Variants in LAPTM4A observed in about 807,000 individuals in gnomAD.
LAPTM4A encodes the protein lysosomal protein transmembrane 4 alpha.
LAPTM4A carries 19 observed loss-of-function variants against 29.9 expected under a neutral mutation model. The observed-to-expected ratio is 0.64, with a 90% CI of 0.44 to 0.93. The LOEUF (loss-of-function observed/expected upper bound fraction) is 0.93. LAPTM4A is among the 40% of genes least tolerant of loss of function. The pLI, the probability that LAPTM4A is intolerant of heterozygous loss-of-function variation, is 0.00. For synonymous variants in LAPTM4A, 105 were observed against 102.1 expected, an observed-to-expected ratio of 1.03 and a Z score of -0.17; for missense variants, 293 against 288.5, an observed-to-expected ratio of 1.02 and a Z score of -0.11.
At chr2:20,049,456 T>C (rs1488741617) in intron 1 of LAPTM4A, among the ~76,000 whole-genome samples, 1 of 152,228 alleles carries the variant, frequency 6.6e-6, no homozygotes, top group Non-Finnish European at 1.5e-5. Context: ...GGGCTTAAAG[T>C]AGGGAACAGA....
At chr2:20,041,694 G>A (rs1490989717) in intron 1 of LAPTM4A, among the ~76,000 whole-genome samples, 2 of 152,028 alleles carry the variant, frequency 1.3e-5, no homozygotes, top group African/African-American at 4.8e-5. Context: ...ACGACCATAC[G>A]CGGGTGATTT....
rs1673626666 is a variant in LAPTM4A at position 20,033,834 on chromosome 2, G to C, written c.627+483C>G. ...TAGATGGGCCACATATATTTTATATGCTGAAAACCTGGGAAGGTAGCACAG... is the reference window on the plus strand; with the variant it reads ...TAGATGGGCCACATATATTTTATATCCTGAAAACCTGGGAAGGTAGCACAG... On this transcript the variant is annotated intron_variant, in intron 6 of 6. Transcript: ENST00000175091. Among the ~76,000 whole-genome samples, 4 of 152,198 alleles carry C rather than the reference G, an allele frequency of 2.6e-5. No homozygotes were observed. The South Asian group carries it at 8.3e-4, about 31-fold the overall frequency.
At chr2:20,047,078 A>AT (rs1673940654) in intron 1 of LAPTM4A, among the ~76,000 whole-genome samples, 1 of 151,804 alleles carries the variant, frequency 6.6e-6, no homozygotes, top group Non-Finnish European at 1.5e-5. Flanking sequence ...AGAAAAACAG[A>AT]TCCCCCTGGC....
intron 1 of LAPTM4A, among the ~76,000 whole-genome samples, chr2:20,050,908 A>C (rs143809726): frequency 6.6e-6 from 1 of 152,248 alleles, no homozygotes; most frequent in Admixed American, 6.5e-5. Context: ...AAACGCGGAC[A>C]ACCGGGTTAC....
chr2:20,044,917 T>A (rs533182969), intron 1 of LAPTM4A, among the ~76,000 whole-genome samples: 3 of 152,230 alleles, frequency 2.0e-5, no homozygotes, highest in African/African-American at 7.2e-5. Flanking sequence ...CTTAAAAAAA[T>A]TTTTTTTGTA....
At chr2:20,046,785 T>TATATAATATAA (rs1673933387) in intron 1 of LAPTM4A, among the ~76,000 whole-genome samples, 2 of 145,536 alleles carry the variant, frequency 1.4e-5, no homozygotes, top group South Asian at 2.1e-4. Context: ...TATAAATATA[T>TATATAATATAA]ATATAATATA....
intron 1 of LAPTM4A, 146 bp downstream of exon 1, chr2:20,051,264 C>A: frequency 1.5e-6 from 1 of 667,824 alleles, no homozygotes; most frequent in Non-Finnish European, 2.7e-6. Context: ...AGTCCTTGGA[C>A]TTCATCCAGA....
In LAPTM4A at chr2:20,051,438, C is replaced by G; in HGVS notation, c.83G>C (p.Gly28Ala). The G allele has an allele frequency of 6.2e-7, 1 of 1,613,368 alleles. No individual in the cohort carries two copies. The highest frequency in any genetic ancestry group is 2.2e-5 in the East Asian group (1 of 44,852). ...GTACCAGGTCCCCAGGATGATCGTC[C>G]CGGTGCGGACATGGCAACAGCCGCA... ...RCCGCCHVRT[G>A]TIILGTWYMV... Residue 28 changes from glycine to alanine, a missense_variant, in exon 1 of 7, where the codon GGG becomes GCG. Physicochemically the swap from Gly to Ala is moderately conservative, Grantham distance 60. Transcript: ENST00000175091.
intron 1 of LAPTM4A, among the ~76,000 whole-genome samples, chr2:20,044,483 G>A (rs948194609): frequency 6.6e-6 from 1 of 152,090 alleles, no homozygotes; most frequent in African/African-American, 2.4e-5. Flanking sequence ...ATTACATGAA[G>A]GATTTCTAAA....
chr2:20,038,554 T>A (rs1418159316), intron 2 of LAPTM4A, among the ~76,000 whole-genome samples: 1 of 152,034 alleles, frequency 6.6e-6, no homozygotes, highest in African/African-American at 2.4e-5. Flanking sequence ...GCCTCCCAAG[T>A]AGCTGGAATT....
intron 1 of LAPTM4A, among the ~76,000 whole-genome samples, chr2:20,049,271 G>A (rs1043057759): frequency 6.6e-6 from 1 of 152,104 alleles, no homozygotes; most frequent in African/African-American, 2.4e-5. Flanking sequence ...CACTGCAGGT[G>A]GTCAGTAAAT....
At chr2:20,034,467 T>C (rs1673639182) in intron 5 of LAPTM4A, 52 bp from the exon 6 acceptor site, 1 of 1,184,696 alleles carries the variant, frequency 8.4e-7, no homozygotes, top group Admixed American at 1.7e-5. Flanking sequence ...ACAGACTACC[T>C]GCTCTAAAAT....
At chr2:20,041,893 G>C (rs1673809754) in intron 1 of LAPTM4A, among the ~76,000 whole-genome samples, 2 of 152,088 alleles carry the variant, frequency 1.3e-5, no homozygotes, top group South Asian at 4.1e-4. Flanking sequence ...TCCAATACCT[G>C]AAAACAGCCT....
intron 6 of LAPTM4A, 60 bp downstream of exon 6, chr2:20,034,254 GTTC>G: frequency 9.0e-7 from 1 of 1,111,482 alleles, no homozygotes; most frequent in Non-Finnish European, 1.4e-6. Flanking sequence ...CAAGCTCCAG[GTTC>G]TTCTCCTGGA....
At chr2:20,037,653 C>T in intron 2 of LAPTM4A, 39 bp from the exon 3 acceptor site, 1 of 1,352,008 alleles carries the variant, frequency 7.4e-7, no homozygotes, top group Non-Finnish European at 1.0e-6. Context: ...AAGCTACTTA[C>T]ACAACAAAAA....
rs1285198043 is a variant in LAPTM4A at position 20,045,973 on chromosome 2, T to C, written c.112-4962A>G. Among the ~76,000 whole-genome samples, 3 of 152,328 alleles carry C rather than the reference T, an allele frequency of 2.0e-5. No homozygotes were observed. In the South Asian group the frequency reaches 6.2e-4, roughly 32 times the overall value. On this transcript the variant is annotated intron_variant, in intron 1 of 6. Coordinates refer to ENST00000175091, the MANE Select transcript of LAPTM4A (RefSeq NM_014713.5). ...GAACTAAGCAAAGCCTGTTATCTGA[T>C]AAAGATCAAAATTGACTATCTTTAA...
Position 20,037,615 on chromosome 2 carries a change from C to A in LAPTM4A, c.233-1G>T. On this transcript the variant is annotated splice_acceptor_variant, in intron 2 of 6. Coordinates refer to ENST00000175091, the MANE Select transcript of LAPTM4A (RefSeq NM_014713.5). LOFTEE classifies it high-confidence loss of function. ...ACGGCAAAAAGAACACAGGCATTAT[C>A]TAAGAAAACAAAAACAAAAATCTAA... The A allele has an allele frequency of 6.3e-7, 1 of 1,591,538 alleles. No homozygotes were observed.
At chr2:20,044,562 C>T (rs1444767331) in intron 1 of LAPTM4A, among the ~76,000 whole-genome samples, 3 of 152,152 alleles carry the variant, frequency 2.0e-5, no homozygotes, top group African/African-American at 4.8e-5. Context: ...CTCTGGAGAC[C>T]AGCCTAGGCA....
rs1558388624 is a variant in LAPTM4A at position 20,051,474 on chromosome 2, CT to C, written c.46del (p.Ser16AlafsTer23). On this transcript the variant is annotated frameshift_variant, in exon 1 of 7. Transcript: ENST00000175091. LOFTEE classifies it high-confidence loss of function. ...FKRNRSDRFY[S>X]TRCCGCCHVR... ...ATGGCAACAGCCGCAGCACCGGGTG[CT>C]GTAGAACCGGTCACTGCGGTTCCGC... The C allele has an allele frequency of 1.9e-6, 3 of 1,613,356 alleles. No homozygotes were observed. Among genetic ancestry groups the C allele is most frequent in the Non-Finnish European group, 2.5e-6 (3 of 1,179,682 alleles).
Sources: gnomAD v4.1 joint callset for allele counts (sites outside exome capture counted in the v4.1 genomes callset) on GRCh38, gnomAD v4.1.1 for gene constraint, MANE v1.5 for transcripts, NCBI Gene and HGNC (gene_info 2026-07-23, HGNC 2026-07-21) for gene names.